GOLIM4: variants seen among roughly 807,000 people sequenced by gnomAD.
The protein encoded by GOLIM4 is 130 kDa golgi-localized phosphoprotein.
A neutral mutation model predicts 107.4 loss-of-function variants in GOLIM4; 71 were observed. That is an observed-to-expected ratio of 0.66 (90% CI 0.55 to 0.81). The LOEUF is 0.81. GOLIM4 is among the 30% of genes least tolerant of loss of function. The probability of loss-of-function intolerance (pLI) is 0.00; values close to 1 mark genes in which losing one functional copy is unlikely to be tolerated. For synonymous variants in GOLIM4, 327 were observed against 294.8 expected (o/e 1.11, Z -1.12); for missense variants, 830 against 826.1 (o/e 1.00, Z -0.06).
In GOLIM4 at chr3:168,044,770, G is replaced by A. The variant is rs1018974777; in HGVS notation, c.366+58C>T. The A allele has an allele frequency of 1.1e-5, 10 of 942,818 alleles. No individual in the cohort carries two copies. In the African/African-American group the frequency reaches 1.3e-4, roughly 13 times the overall value. The allele number at this position is 942,818 out of a possible 1,614,324, so 58.4% of individuals were successfully genotyped here. On this transcript the variant is annotated intron_variant, in intron 4 of 15. Coordinates refer to ENST00000470487, the MANE Select transcript of GOLIM4 (RefSeq NM_014498.5). ...TAATCACTTTAAAGGCCATTAGTCA[G>A]TTCAAGTATTAGTTAATCCTTTCTT...
chr3:168,054,266 C>G (rs980401809), intron 1 of GOLIM4, among the ~76,000 whole-genome samples: 1 of 152,238 alleles, frequency 6.6e-6, no homozygotes, highest in African/African-American at 2.4e-5. Flanking sequence ...CTCCCAGTGG[C>G]TTCTCACCAC....
intron 9 of GOLIM4, among the ~76,000 whole-genome samples, chr3:168,031,302 T>C (rs1322630122): frequency 6.6e-6 from 1 of 152,168 alleles, no homozygotes; most frequent in Non-Finnish European, 1.5e-5. Flanking sequence ...TAATCTATCT[T>C]ATATTTCAAA....
chr3:168,075,296 T>G lies in GOLIM4; in HGVS notation c.187+19803A>C, dbSNP rs202077181. ...GGCGGACATTCACTAGTTTTTTTTT[T>G]TTTTTTTTTTTTTTTTTTGAGACGG... On this transcript the variant is annotated intron_variant, in intron 1 of 15. Transcript: ENST00000470487. 7.5e-4 allele frequency among the ~76,000 whole-genome samples: 63 copies of G among 84,544 alleles called. 1 individual carries two copies. The East Asian group carries it at 0.014, about 19-fold the overall frequency. The allele number at this position is 84,544 out of a possible 152,430, so 55.5% of individuals were successfully genotyped here. A position where few individuals can be genotyped will look rare whatever the true frequency, so the allele number is the denominator to read the frequency against.
chr3:168,051,943 A>G (rs371720375), intron 1 of GOLIM4, among the ~76,000 whole-genome samples: 273 of 152,276 alleles, frequency 1.8e-3, no homozygotes, highest in African/African-American at 6.2e-3. Flanking sequence ...GGTAAAGGGA[A>G]GTCAGAGTGA....
intron 1 of GOLIM4, among the ~76,000 whole-genome samples, chr3:168,085,399 G>T (rs1484963842): frequency 6.6e-6 from 1 of 152,142 alleles, no homozygotes; most frequent in Non-Finnish European, 1.5e-5. Flanking sequence ...GTCTCTCCCC[G>T]ATCTTGGCAC....
intron 15 of GOLIM4, 65 bp downstream of exon 15, chr3:168,010,678 C>T: frequency 8.6e-7 from 1 of 1,156,296 alleles, no homozygotes; most frequent in Non-Finnish European, 1.3e-6. Context: ...ACATATATCT[C>T]TCCTATACAC....
chr3:168,032,041 T>A (rs919814816), intron 9 of GOLIM4, among the ~76,000 whole-genome samples: 2 of 152,114 alleles, frequency 1.3e-5, no homozygotes, highest in African/African-American at 4.8e-5. Context: ...TATCTCCAAG[T>A]AGTAAAATCA....
intron 14 of GOLIM4, among the ~76,000 whole-genome samples, chr3:168,012,667 C>G (rs1011536923): frequency 4.6e-5 from 7 of 151,076 alleles, no homozygotes; most frequent in Non-Finnish European, 1.0e-4. Context: ...CAAAGGGAAG[C>G]CCATCAGACT....
Position 168,011,767 on chromosome 3 carries a change from C to G in GOLIM4, c.1861-944G>C, listed in dbSNP as rs1273311693. 2.2e-5 allele frequency among the ~76,000 whole-genome samples: 3 copies of G among 134,918 alleles called. 1 individual carries two copies. The highest frequency in any genetic ancestry group is 1.1e-4 in the African/African-American group (3 of 26,470). 88.5% of individuals were successfully genotyped at this position (134,918 alleles called of 152,430 possible). On this transcript the variant is annotated intron_variant, in intron 14 of 15. Transcript: ENST00000470487. The stretch of plus-strand genomic sequence containing the variant: ...CCCTGAGCAGCCTAACTGGGAGGCA[C>G]CCCCCAGCAGGAGCACACTGACACC...
intron 2 of GOLIM4, 46 bp downstream of exon 2, chr3:168,048,245 G>A (rs775429194): frequency 1.0e-6 from 1 of 983,852 alleles, no homozygotes; most frequent in South Asian, 1.4e-5. Flanking sequence ...ATACGTCAAA[G>A]AAGAGTACTG....
At chr3:168,061,206 A>G (rs959288713) in intron 1 of GOLIM4, among the ~76,000 whole-genome samples, 3 of 152,160 alleles carry the variant, frequency 2.0e-5, no homozygotes, top group African/African-American at 7.2e-5. Context: ...ACTGGCCACG[A>G]AATATATGAA....
intron 1 of GOLIM4, among the ~76,000 whole-genome samples, chr3:168,058,319 T>A (rs1469595134): frequency 6.6e-6 from 1 of 152,236 alleles, no homozygotes; most frequent in Non-Finnish European, 1.5e-5. Context: ...CTTTTCCTCA[T>A]GCCACTAATT....
At chr3:168,085,825 C>T (rs1273813278) in intron 1 of GOLIM4, among the ~76,000 whole-genome samples, 1 of 151,892 alleles carries the variant, frequency 6.6e-6, no homozygotes. Context: ...ACATTTCTGC[C>T]TTTTTTTTAA....
chr3:168,074,266 G>A (rs1192629565), intron 1 of GOLIM4, among the ~76,000 whole-genome samples: 2 of 152,180 alleles, frequency 1.3e-5, no homozygotes, highest in Non-Finnish European at 2.9e-5. Flanking sequence ...ATGACTCTCA[G>A]GAAACTGTGT....
chr3:168,081,792 G>C (rs1721382219), intron 1 of GOLIM4, among the ~76,000 whole-genome samples: 1 of 152,200 alleles, frequency 6.6e-6, no homozygotes, highest in Non-Finnish European at 1.5e-5. Context: ...CATTTCTCAT[G>C]TAATTGCAAG....
At chr3:168,028,601 T>C (rs1718139215) in intron 11 of GOLIM4, among the ~76,000 whole-genome samples, 1 of 152,306 alleles carries the variant, frequency 6.6e-6, no homozygotes, top group East Asian at 1.9e-4. Context: ...GTCTTACTGA[T>C]ATGAGAACAA....
intron 1 of GOLIM4, among the ~76,000 whole-genome samples, chr3:168,068,492 G>C (rs142087785): frequency 1.1e-4 from 16 of 152,114 alleles, no homozygotes; most frequent in Non-Finnish European, 2.1e-4. Context: ...ACTTCTTGCA[G>C]GATAAAAATA....
intron 9 of GOLIM4, among the ~76,000 whole-genome samples, chr3:168,032,143 T>C (rs1002330709): frequency 2.6e-5 from 4 of 152,148 alleles, no homozygotes; most frequent in South Asian, 2.1e-4. Flanking sequence ...CGCCTGATCA[T>C]AGAAAATGAG....
intron 1 of GOLIM4, among the ~76,000 whole-genome samples, chr3:168,063,958 A>G (rs1328975926): frequency 3.3e-5 from 5 of 152,174 alleles, no homozygotes. Flanking sequence ...TCTGAGGATG[A>G]TGTGACATAA....
Sources: gnomAD v4.1 joint callset for allele counts (sites outside exome capture counted in the v4.1 genomes callset) on GRCh38, gnomAD v4.1.1 for gene constraint, MANE v1.5 for transcripts, NCBI Gene and HGNC (gene_info 2026-07-23, HGNC 2026-07-21) for gene names.